RASA3: variants seen among roughly 807,000 people sequenced by gnomAD.
RASA3 encodes the protein RAS p21 protein activator 3, also known as ras GTPase-activating protein 3.
In RASA3, 73 loss-of-function variants were observed where a neutral mutation model predicts 110.0. The observed-to-expected ratio is 0.66, with a 90% CI of 0.55 to 0.81. The LOEUF is 0.81. Among genes scored for constraint, RASA3 ranks in the 30% least tolerant of loss-of-function variants. The probability of loss-of-function intolerance (pLI) is 0.00; values close to 1 mark genes in which losing one functional copy is unlikely to be tolerated. For synonymous variants in RASA3, 500 were observed against 451.4 expected (o/e 1.11, Z -1.37); for missense variants, 976 against 1,113.2 (o/e 0.88, Z 1.75).
intron 1 of RASA3, among the ~76,000 whole-genome samples, chr13:114,127,073 C>T (rs1214513343): frequency 6.6e-6 from 1 of 152,232 alleles, no homozygotes; most frequent in African/African-American, 2.4e-5. Flanking sequence ...CCTTTCTAAA[C>T]ACACACACGT....
At chr13:113,979,554 C>T in intron 23 of RASA3, 132 bp from the exon 24 acceptor site, 4 of 760,866 alleles carry the variant, frequency 5.3e-6, no homozygotes, top group Middle Eastern at 2.5e-4. Context: ...ATAGAGGAGC[C>T]AAAGGAACCA....
chr13:114,043,246 C>G (rs117166020), intron 3 of RASA3, among the ~76,000 whole-genome samples: 1 of 152,096 alleles, frequency 6.6e-6, no homozygotes, highest in East Asian at 1.9e-4. Context: ...GTGGGAGGTG[C>G]GGAAGGTGGA....
At chr13:114,066,566 C>T (rs955482908) in intron 2 of RASA3, among the ~76,000 whole-genome samples, 7 of 152,202 alleles carry the variant, frequency 4.6e-5, no homozygotes, top group Admixed American at 2.6e-4. Context: ...CAGGCACAGG[C>T]GGCCGATGAG....
At chr13:114,040,120 C>T (rs1295836900) in intron 4 of RASA3, among the ~76,000 whole-genome samples, 1 of 152,258 alleles carries the variant, frequency 6.6e-6, no homozygotes, top group African/African-American at 2.4e-5. Context: ...ACAGCTTCCT[C>T]AGTTGTGCAT....
At chr13:114,017,103 T>C in intron 12 of RASA3, 134 bp downstream of exon 12, 1 of 743,948 alleles carries the variant, frequency 1.3e-6, no homozygotes, top group Non-Finnish European at 2.4e-6. Flanking sequence ...TGAATCAGCA[T>C]CCCCGTGGCG....
chr13:114,130,197 G>C lies in RASA3; in HGVS notation c.55+2238C>G, dbSNP rs76252064. Among the ~76,000 whole-genome samples the C allele has an allele frequency of 7.9e-4, 121 of 152,294 alleles. 1 individual carries two copies. The East Asian group carries it at 0.022, about 27-fold the overall frequency. ...AGACTGCATCTCTGCTCAAATGCAG[G>C]AGGTGCCCTGTCTCCCCAGCTACTT... On this transcript the variant is annotated intron_variant, in intron 1 of 23. Transcript: ENST00000334062.
rs1187684598 is a variant in RASA3 at position 114,054,967 on chromosome 13, C to CGTGTGTGCCCATGG, written c.174-2826_174-2813dup. Among the ~76,000 whole-genome samples, 5 of 136,548 alleles carry CGTGTGTGCCCATGG rather than the reference C, an allele frequency of 3.7e-5. No individual in the cohort carries two copies. In the East Asian group the frequency reaches 9.9e-4, roughly 27 times the overall value. The allele number at this position is 136,548 out of a possible 152,430, so 89.6% of individuals were successfully genotyped here. On this transcript the variant is annotated intron_variant, in intron 2 of 23. Coordinates refer to ENST00000334062, the MANE Select transcript of RASA3 (RefSeq NM_007368.4). ...AGGCATGTGTGTGTGGGTGTGTGCA[C>CGTGTGTGCCCATGG]GTGTGTGCCCATGGGTGTGTGCACG...
chr13:113,999,133 C>T (rs77364529), intron 20 of RASA3, among the ~76,000 whole-genome samples: 3,155 of 68,452 alleles, frequency 0.046, 40 homozygotes, highest in Non-Finnish European at 0.066. Context: ...GACCGGGGAA[C>T]GAGGCCACAC....
chr13:113,997,517 G>T (rs1301780029), intron 20 of RASA3, among the ~76,000 whole-genome samples: 1 of 151,880 alleles, frequency 6.6e-6, no homozygotes, highest in Non-Finnish European at 1.5e-5. Context: ...AGGCACAAAG[G>T]TCCTGGGGCA....
chr13:113,990,020 C>T lies in RASA3; in HGVS notation c.2245+2465G>A, dbSNP rs140411961. ...GGACAGACTTCCCCATTGCTGTTCT[C>T]GTGATAGTGAGTTCTCACGAGGTCT... On this transcript the variant is annotated intron_variant, in intron 22 of 23. Transcript: ENST00000334062. Among the ~76,000 whole-genome samples, 958 of 152,156 alleles carry T rather than the reference C, an allele frequency of 6.3e-3. 11 individuals are homozygous for T. The highest frequency in any genetic ancestry group is 0.022 in the African/African-American group (901 of 41,496).
At chr13:114,022,121 A>T (rs1440318956) in intron 8 of RASA3, among the ~76,000 whole-genome samples, 1 of 152,140 alleles carries the variant, frequency 6.6e-6, no homozygotes, top group African/African-American at 2.4e-5. Flanking sequence ...GGCCATGCAC[A>T]CCACAGCGGG....
chr13:114,057,391 G>T lies in RASA3; in HGVS notation c.174-5236C>A, dbSNP rs1412982228. ...GCAGAAGGCATTGCAGGGCAGTGGG[G>T]TCCGGAGAGGCGGCCGTGCTACAGG... On this transcript the variant is annotated intron_variant, in intron 2 of 23. Transcript: ENST00000334062. The surrounding 1 kb of genome is among the most constrained non-coding windows in gnomAD (Gnocchi z 5.0). 14 of 985,282 alleles carry T rather than the reference G, an allele frequency of 1.4e-5. No individual in the cohort carries two copies. The highest frequency in any genetic ancestry group is 1.7e-5 in the Non-Finnish European group (14 of 829,934). 61.0% of individuals were successfully genotyped at this position (985,282 alleles called of 1,614,324 possible).
chr13:114,071,278 C>T (rs910680007), intron 2 of RASA3, among the ~76,000 whole-genome samples: 3 of 152,160 alleles, frequency 2.0e-5, no homozygotes, highest in Admixed American at 6.5e-5. Flanking sequence ...CCACCACACC[C>T]GGCCAGAACC....
chr13:114,121,261 G>A lies in RASA3; in HGVS notation c.55+11174C>T, dbSNP rs550564731. Among the ~76,000 whole-genome samples, 36 of 152,304 alleles carry A rather than the reference G, an allele frequency of 2.4e-4. No individual in the cohort carries two copies. In the South Asian group the frequency reaches 5.8e-3, roughly 25 times the overall value. ...GACCCCCGTGCCCCAAACACATCCCGCCGAGCCTCCTGGGACCAGGCCCCT... is the reference window on the plus strand; with the variant it reads ...GACCCCCGTGCCCCAAACACATCCCACCGAGCCTCCTGGGACCAGGCCCCT... On this transcript the variant is annotated intron_variant, in intron 1 of 23. Coordinates refer to ENST00000334062, the MANE Select transcript of RASA3 (RefSeq NM_007368.4).
rs751266320 is a variant in RASA3, at chr13:113,979,430, G to A, written c.2430-8C>T. On this transcript the variant is annotated splice_polypyrimidine_tract_variant and splice_region_variant and intron_variant, in intron 23 of 23. Coordinates refer to ENST00000334062, the MANE Select transcript of RASA3 (RefSeq NM_007368.4). ...TCTCCGATGGGGTGCTCCCTGAAAA[G>A]GGGGATGGGAGAGGGAATGAGGCAC... 6 of 1,588,050 alleles carry A rather than the reference G, an allele frequency of 3.8e-6. No individual in the cohort carries two copies. Among genetic ancestry groups the A allele is most frequent in the East Asian group, 4.5e-5 (2 of 44,750 alleles).
intron 4 of RASA3, among the ~76,000 whole-genome samples, chr13:114,037,887 A>G (rs1051369171): frequency 1.3e-5 from 2 of 150,408 alleles, no homozygotes; most frequent in Non-Finnish European, 3.0e-5. Flanking sequence ...TGGGGAAGCC[A>G]GGAGAAGGGA....
chr13:114,073,864 T>G (rs559067940), intron 1 of RASA3, 27 bp from the exon 2 acceptor site: 13 of 1,556,984 alleles, frequency 8.3e-6, no homozygotes, highest in African/African-American at 2.7e-5. Flanking sequence ...ACATACATCA[T>G]CAGCAGCGTA....
Position 114,115,547 on chromosome 13 carries a change from C to G in RASA3, c.55+16888G>C, listed in dbSNP as rs545130211. On this transcript the variant is annotated intron_variant, in intron 1 of 23. Transcript: ENST00000334062. This position sits in a 1 kb window ranked among gnomAD's most constrained non-coding sequence, Gnocchi z 5.0. The stretch of plus-strand genomic sequence containing the variant: ...ACTCATGCCCTAGAGATAAAGCCGT[C>G]GGAGGCAGAGTGCAGGCCTCGAAGC... Among the ~76,000 whole-genome samples, 9 of 152,248 alleles carry G rather than the reference C, an allele frequency of 5.9e-5. No individual in the cohort carries two copies. Among genetic ancestry groups the G allele is most frequent in the Non-Finnish European group, 1.0e-4 (7 of 68,048 alleles).
chr13:114,132,396 G>A, intron 1 of RASA3, 39 bp downstream of exon 1: 1 of 1,486,260 alleles, frequency 6.7e-7, no homozygotes, highest in African/African-American at 1.4e-5. Flanking sequence ...ACAGGGTCGG[G>A]CCGGGGGGTC....
Sources: allele counts gnomAD v4.1 joint callset (sites outside exome capture counted in the v4.1 genomes callset), GRCh38; gene constraint gnomAD v4.1.1; non-coding constraint Gnocchi (gnomAD v3.1); transcripts MANE v1.5; gene names NCBI Gene and HGNC (gene_info 2026-07-23, HGNC 2026-07-21).